Variants in TMEM163 observed in about 807,000 individuals in gnomAD.
TMEM163 encodes transmembrane protein 163.
TMEM163 carries 17 observed loss-of-function variants against 29.3 expected under a neutral mutation model. The ratio of observed to expected loss-of-function variants is 0.58; its 90% CI spans 0.40 to 0.87. The LOEUF is 0.87. TMEM163 is among the 40% of genes least tolerant of loss of function. TMEM163 has a pLI of 0.00. For missense variants in TMEM163, 303 were observed against 381.5 expected (o/e 0.79, Z 1.71); for synonymous variants, 157 against 160.6 (o/e 0.98, Z 0.17).
At chr2:134,658,157 C>T (rs1052016419) in intron 2 of TMEM163, among the ~76,000 whole-genome samples, 2 of 152,210 alleles carry the variant, frequency 1.3e-5, no homozygotes, top group Non-Finnish European at 2.9e-5. Context: ...CTTCAGAAAC[C>T]TCCTACTATG....
At chr2:134,585,281 C>T (rs1348199152) in intron 2 of TMEM163, among the ~76,000 whole-genome samples, 1 of 152,140 alleles carries the variant, frequency 6.6e-6, no homozygotes, top group East Asian at 1.9e-4. Context: ...GACTATGGGA[C>T]TACAGGCACA....
intron 2 of TMEM163, among the ~76,000 whole-genome samples, chr2:134,609,103 C>T (rs866853582): frequency 0.072 from 3,090 of 42,668 alleles, 14 homozygotes; most frequent in South Asian, 0.16. Context: ...AGGACAGACC[C>T]CGAGAACTGT....
chr2:134,587,821 A>C (rs987851475), intron 2 of TMEM163, among the ~76,000 whole-genome samples: 1 of 152,246 alleles, frequency 6.6e-6, no homozygotes, highest in African/African-American at 2.4e-5. Flanking sequence ...AACAAATAAC[A>C]AGAAGGGATG....
intron 2 of TMEM163, among the ~76,000 whole-genome samples, chr2:134,588,098 G>A (rs115452559): frequency 0.038 from 5,756 of 152,180 alleles, 162 homozygotes; most frequent in Admixed American, 0.085. Flanking sequence ...CCTACAATTG[G>A]CATTTTTGGA....
intron 2 of TMEM163, among the ~76,000 whole-genome samples, chr2:134,552,565 G>C (rs1680954152): frequency 6.6e-6 from 1 of 151,346 alleles, no homozygotes. Context: ...GTTTAGAAAA[G>C]AGTGACAAAT....
At chr2:134,627,176 T>C (rs1283458786) in intron 2 of TMEM163, among the ~76,000 whole-genome samples, 2 of 152,242 alleles carry the variant, frequency 1.3e-5, no homozygotes, top group African/African-American at 4.8e-5. Flanking sequence ...TGTCTGCTCA[T>C]GTCTTTTTCC....
At chr2:134,580,678 G>A (rs530149947) in intron 2 of TMEM163, among the ~76,000 whole-genome samples, 2 of 152,278 alleles carry the variant, frequency 1.3e-5, no homozygotes, top group Middle Eastern at 3.4e-3. Context: ...TTGGGAGGCC[G>A]AGCCAGGTGG....
At chr2:134,539,411 C>T (rs1436370541) in intron 4 of TMEM163, among the ~76,000 whole-genome samples, 3 of 152,174 alleles carry the variant, frequency 2.0e-5, no homozygotes, top group East Asian at 1.9e-4. Context: ...ACGCACCCAG[C>T]GGTGCTGACG....
chr2:134,695,393 A>G (rs2104886876), intron 2 of TMEM163, among the ~76,000 whole-genome samples: 1 of 152,134 alleles, frequency 6.6e-6, no homozygotes, highest in African/African-American at 2.4e-5. Flanking sequence ...TTAATCAAAA[A>G]GAAATGAAAA....
At chr2:134,680,964 G>A (rs1684218267) in intron 2 of TMEM163, among the ~76,000 whole-genome samples, 2 of 152,164 alleles carry the variant, frequency 1.3e-5, no homozygotes, top group Admixed American at 1.3e-4. Context: ...TCAACCTCTG[G>A]AAACTATTGG....
intron 4 of TMEM163, among the ~76,000 whole-genome samples, chr2:134,538,897 T>C (rs971421642): frequency 1.3e-5 from 2 of 152,132 alleles, no homozygotes; most frequent in African/African-American, 4.8e-5. Context: ...AATGAAAATG[T>C]TCTGAAATAG....
chr2:134,711,101 G>A (rs893606337), intron 2 of TMEM163, among the ~76,000 whole-genome samples: 5 of 152,066 alleles, frequency 3.3e-5, no homozygotes, highest in Non-Finnish European at 7.4e-5. Flanking sequence ...ACATAACTTC[G>A]AAAGTCAGTT....
At chr2:134,559,175 G>A (rs1404824996) in intron 2 of TMEM163, among the ~76,000 whole-genome samples, 1 of 152,056 alleles carries the variant, frequency 6.6e-6, no homozygotes, top group African/African-American at 2.4e-5. Flanking sequence ...TGAGGCATGT[G>A]CTCTGGGGTA....
chr2:134,552,232 C>G (rs1680945766), intron 2 of TMEM163, 141 bp from the exon 3 acceptor site: 1 of 608,392 alleles, frequency 1.6e-6, no homozygotes, highest in Non-Finnish European at 2.8e-6. Context: ...CTTGTAAAAT[C>G]TAAGAATTTT....
chr2:134,583,328 C>T (rs540331528), intron 2 of TMEM163, among the ~76,000 whole-genome samples: 1 of 152,336 alleles, frequency 6.6e-6, no homozygotes, highest in African/African-American at 2.4e-5. Context: ...AGACCCACAG[C>T]AAGTGCTTAC....
At chr2:134,522,172 C>G (rs976561458) in intron 4 of TMEM163, among the ~76,000 whole-genome samples, 5 of 151,996 alleles carry the variant, frequency 3.3e-5, no homozygotes, top group Admixed American at 6.6e-5. Flanking sequence ...CTCTAGAGCA[C>G]CCAGAAGTCT....
chr2:134,656,465 G>T (rs959400768), intron 2 of TMEM163, among the ~76,000 whole-genome samples: 48 of 152,070 alleles, frequency 3.2e-4, no homozygotes, highest in Admixed American at 2.5e-3. Flanking sequence ...CCTAGTGAGA[G>T]AAACCCGGTA....
At chr2:134,494,325 G>A (rs1476311708) in intron 5 of TMEM163, among the ~76,000 whole-genome samples, 1 of 152,166 alleles carries the variant, frequency 6.6e-6, no homozygotes, top group Non-Finnish European at 1.5e-5. Context: ...AGATGGTGAT[G>A]GGCAGATGTT....
At position 134,476,479 on chromosome 2, in the gene TMEM163, AAC is replaced by A. The variant is rs370502689; in HGVS notation, c.556-10256_556-10255del. Among the ~76,000 whole-genome samples the A allele has an allele frequency of 9.6e-4, 146 of 152,364 alleles. 7 individuals are homozygous for A. The South Asian group carries it at 0.029, about 31-fold the overall frequency. ...TTGTATGTACATTATATCTCAATAAAACTAATTGTTTTAAAAAATACTATTTA... is the reference window on the plus strand; with the variant it reads ...TTGTATGTACATTATATCTCAATAAATAATTGTTTTAAAAAATACTATTTA... On this transcript the variant is annotated intron_variant, in intron 5 of 7. Coordinates refer to ENST00000281924, the MANE Select transcript of TMEM163 (RefSeq NM_030923.5).
Sources: allele counts gnomAD v4.1 joint callset (sites outside exome capture counted in the v4.1 genomes callset), GRCh38; gene constraint gnomAD v4.1.1; transcripts MANE v1.5; gene names NCBI Gene and HGNC (gene_info 2026-07-23, HGNC 2026-07-21).